The following ITSN1 variants were observed in gnomAD, a reference collection of about 807,000 sequenced individuals.
The protein encoded by ITSN1 is intersectin-1.
ITSN1 carries 58 observed loss-of-function variants against 239.8 expected under a neutral mutation model. The observed-to-expected ratio is 0.24, with a 90% CI of 0.20 to 0.30. The LOEUF (loss-of-function observed/expected upper bound fraction) is 0.30, where lower values mean the gene tolerates loss of function less well. ITSN1 is among the 10% of genes least tolerant of loss of function. ITSN1 has a pLI of 1.00. For synonymous variants in ITSN1, 780 were observed against 770.8 expected, an observed-to-expected ratio of 1.01 and a Z score of -0.20; for missense variants, 1,558 against 2,103.3, an observed-to-expected ratio of 0.74 and a Z score of 5.07.
chr21:33,778,012 T>C (rs566461737), intron 14 of ITSN1, among the ~76,000 whole-genome samples: 470 of 152,334 alleles, frequency 3.1e-3, no homozygotes, highest in Non-Finnish European at 3.4e-3. Flanking sequence ...ATATGTTTTT[T>C]CCCCGCATCT....
chr21:33,718,069 A>G (rs1399793161), intron 1 of ITSN1, among the ~76,000 whole-genome samples: 1 of 152,192 alleles, frequency 6.6e-6, no homozygotes, highest in African/African-American at 2.4e-5. Flanking sequence ...TTGGTCACCA[A>G]ACGAATGATA....
intron 1 of ITSN1, among the ~76,000 whole-genome samples, chr21:33,665,423 A>G (rs1381226612): frequency 6.6e-6 from 1 of 152,214 alleles, no homozygotes. Context: ...GGAAATCAAA[A>G]CTATGAGAAT....
rs1986864235 is a variant in ITSN1, at chr21:33,897,750, T to C, written c.*9450T>C. 6.6e-6 allele frequency: 1 copy of C among 152,212 alleles called. No homozygotes were observed. Among genetic ancestry groups the C allele is most frequent in the South Asian group, 2.1e-4 (1 of 4,834 alleles). 9.4% of individuals were successfully genotyped at this position (152,212 alleles called of 1,614,324 possible). ...TTTTTCTGTATGTATATGAGAGTATTTTAGGAATCTAATTTAAGTGCATAA... is the reference window on the plus strand; with the variant it reads ...TTTTTCTGTATGTATATGAGAGTATCTTAGGAATCTAATTTAAGTGCATAA... On this transcript the variant is annotated 3_prime_UTR_variant, in exon 40 of 40. Transcript: ENST00000381318.
At chr21:33,680,972 G>A (rs2146516776) in intron 1 of ITSN1, among the ~76,000 whole-genome samples, 1 of 152,230 alleles carries the variant, frequency 6.6e-6, no homozygotes, top group African/African-American at 2.4e-5. Flanking sequence ...AGTAGTTTAC[G>A]ACAACAAAAC....
At position 33,704,441 on chromosome 21, in the gene ITSN1, G is replaced by A. The variant is rs114133613; in HGVS notation, c.-32-14356G>A. ...ACTTTGTGCCTCTTTGGTGAAGTTC[G>A]TATTCCTAAAAGTATGAGGTTATCA... On this transcript the variant is annotated intron_variant, in intron 1 of 39. Coordinates refer to ENST00000381318, the MANE Select transcript of ITSN1 (RefSeq NM_003024.3). Among the ~76,000 whole-genome samples the A allele has an allele frequency of 7.4e-3, 1,132 of 152,232 alleles. 10 individuals carry two copies. The highest frequency in any genetic ancestry group is 0.026 in the African/African-American group (1,067 of 41,544).
At chr21:33,828,907 T>C in intron 26 of ITSN1, 1 of 469,990 alleles carries the variant, frequency 2.1e-6, no homozygotes, top group Non-Finnish European at 4.4e-6. Flanking sequence ...AGTACAGAAC[T>C]GTTCACATTT....
chr21:33,882,159 T>C lies in ITSN1; in HGVS notation c.4342-84T>C, dbSNP rs1985045150. 1 of 1,189,948 alleles carries C rather than the reference T, an allele frequency of 8.4e-7. No homozygotes were observed. Among genetic ancestry groups the C allele is most frequent in the Non-Finnish European group, 1.2e-6 (1 of 833,330 alleles). The allele number at this position is 1,189,948 out of a possible 1,614,324, so 73.7% of individuals were successfully genotyped here. ...CCTGAGATCCGAGTCTGCTGGGGCC[T>C]GGCCTCTGATTCTGATGGAGCCCAT... On this transcript the variant is annotated intron_variant, in intron 34 of 39. Transcript: ENST00000381318. This position sits in a 1 kb window ranked among gnomAD's most constrained non-coding sequence, Gnocchi z 4.5.
At chr21:33,651,040 AG>A (rs1601426908) in intron 1 of ITSN1, among the ~76,000 whole-genome samples, 2 of 152,358 alleles carry the variant, frequency 1.3e-5, no homozygotes, top group East Asian at 3.9e-4. Flanking sequence ...GCTGTTGTCC[AG>A]GGGGCTAGCC....
intron 3 of ITSN1, among the ~76,000 whole-genome samples, chr21:33,721,709 G>A (rs2147097683): frequency 6.6e-6 from 1 of 151,544 alleles, no homozygotes; most frequent in Non-Finnish European, 1.5e-5. Flanking sequence ...CAGGAGAATT[G>A]TTTGAACCCT....
chr21:33,683,548 C>G (rs1433189164), intron 1 of ITSN1, among the ~76,000 whole-genome samples: 4 of 151,978 alleles, frequency 2.6e-5, no homozygotes, highest in Non-Finnish European at 5.9e-5. Flanking sequence ...CTGGCTCTTC[C>G]CAGTGCTGGA....
chr21:33,713,285 G>A (rs1358137928), intron 1 of ITSN1, among the ~76,000 whole-genome samples: 1 of 151,944 alleles, frequency 6.6e-6, no homozygotes, highest in Non-Finnish European at 1.5e-5. Context: ...CGTCTCCCAG[G>A]CTGGAGTGCG....
chr21:33,722,975 C>T (rs1283264630), intron 4 of ITSN1, among the ~76,000 whole-genome samples: 2 of 152,148 alleles, frequency 1.3e-5, no homozygotes, highest in Non-Finnish European at 2.9e-5. Context: ...ATTTGAATGT[C>T]CCACATTTCT....
chr21:33,747,270 T>C (rs2067238561), intron 5 of ITSN1, among the ~76,000 whole-genome samples: 1 of 151,868 alleles, frequency 6.6e-6, no homozygotes. Context: ...GATTAATCAA[T>C]AGAAATTATT....
In ITSN1 at chr21:33,761,998, A is replaced by G. The variant is rs1172084434; in HGVS notation, c.788+12A>G. 6.9e-6 allele frequency: 11 copies of G among 1,602,590 alleles called. No homozygotes were observed. Among genetic ancestry groups the G allele is most frequent in the Admixed American group, 1.7e-5 (1 of 59,994 alleles). On this transcript the variant is annotated intron_variant, in intron 9 of 39. Coordinates refer to ENST00000381318, the MANE Select transcript of ITSN1 (RefSeq NM_003024.3). Reference sequence around the variant, plus strand: ...CTGGCTTCAATATGGTAAGGAATGAAAAGTTCTTTGGTTTGGATAAAGTGG... The same window carrying G: ...CTGGCTTCAATATGGTAAGGAATGAGAAGTTCTTTGGTTTGGATAAAGTGG...
chr21:33,775,683 A>C (rs111957775), intron 14 of ITSN1, among the ~76,000 whole-genome samples: 6 of 152,330 alleles, frequency 3.9e-5, no homozygotes, highest in African/African-American at 1.4e-4. Context: ...CAAGGAGACT[A>C]CTGGGTAGAG....
intron 36 of ITSN1, 94 bp from the exon 37 acceptor site, chr21:33,884,947 C>A: frequency 1.2e-6 from 1 of 858,946 alleles, no homozygotes; most frequent in Non-Finnish European, 1.9e-6. Context: ...ATCAAATGAA[C>A]AAAGAAACAG....
At chr21:33,682,756 A>G (rs1430260524) in intron 1 of ITSN1, among the ~76,000 whole-genome samples, 1 of 151,948 alleles carries the variant, frequency 6.6e-6, no homozygotes, top group South Asian at 2.1e-4. Context: ...TCCTGACCTC[A>G]GGTGATCCAC....
intron 29 of ITSN1, among the ~76,000 whole-genome samples, chr21:33,852,607 C>T (rs1308032595): frequency 6.6e-6 from 1 of 152,112 alleles, no homozygotes; most frequent in Non-Finnish European, 1.5e-5. Flanking sequence ...CATCTCTCTC[C>T]ATTTCGTAAA....
Position 33,813,942 on chromosome 21 carries a change from A to G in ITSN1, c.2597A>G (p.Glu866Gly), listed in dbSNP as rs1419033938. ...TWPTSTNEKP[E>G]TDNWDAWAAQ... ...CCCACCAGCACGAATGAGAAACCAG[A>G]AACGGATAACTGGGATGCATGGGCA... Residue 866 changes from glutamate (E) to glycine (G), a missense_variant, in exon 22 of 40, where the codon GAA (glutamate) becomes GGA (glycine). Glu to Gly is a moderately conservative substitution (Grantham distance 98). Around this residue, in one of 2 missense-constraint regions of ITSN1, gnomAD observed 982 missense variants for 1,209.9 expected, o/e 0.81. Coordinates refer to ENST00000381318, the MANE Select transcript of ITSN1 (RefSeq NM_003024.3). 1 of 1,613,982 alleles carries G rather than the reference A, an allele frequency of 6.2e-7. No individual in the cohort carries two copies. The highest frequency in any genetic ancestry group is 2.2e-5 in the East Asian group (1 of 44,858).
Sources: gnomAD v4.1 joint callset for allele counts (sites outside exome capture counted in the v4.1 genomes callset) on GRCh38, gnomAD v4.1.1 for gene constraint, gnomAD v4.1.1 regional missense constraint, Gnocchi (gnomAD v3.1) non-coding constraint, MANE v1.5 for transcripts, NCBI Gene and HGNC (gene_info 2026-07-23, HGNC 2026-07-21) for gene names.